PTPN11: variants seen among roughly 807,000 people sequenced by gnomAD.
PTPN11 encodes the protein protein tyrosine phosphatase non-receptor type 11, also known as tyrosine-protein phosphatase non-receptor type 11.
Under a neutral mutation model 78.8 loss-of-function variants are expected in PTPN11, and 6 were observed. The observed-to-expected ratio is 0.08, with a 90% CI of 0.04 to 0.15. PTPN11 has a LOEUF of 0.15. Ranked by LOEUF, PTPN11 falls within the 10% of genes least tolerant of loss-of-function variation. The probability of loss-of-function intolerance (pLI) is 1.00; values close to 1 mark genes in which losing one functional copy is unlikely to be tolerated. For missense variants in PTPN11, 386 were observed against 744.8 expected (o/e 0.52, Z 5.61); for synonymous variants, 221 against 263.5 (o/e 0.84, Z 1.56).
chr12:112,507,883 G>A lies in PTPN11; in HGVS notation c.*2091G>A, dbSNP rs2038953893. ...CTTCAGAACACAGGTGTGGCCTGAA[G>A]GTATTCCCTTATTAGGGAAGTGTCA... On this transcript the variant is annotated 3_prime_UTR_variant, in exon 16 of 16. Coordinates refer to ENST00000351677, the MANE Select transcript of PTPN11 (RefSeq NM_002834.5). The A allele has an allele frequency of 6.6e-6, 1 of 152,536 alleles. No homozygotes were observed. The allele number at this position is 152,536 out of a possible 1,614,324, so 9.4% of individuals were successfully genotyped here. A position where few individuals can be genotyped will look rare whatever the true frequency, so the allele number is the denominator to read the frequency against.
intron 1 of PTPN11, among the ~76,000 whole-genome samples, chr12:112,444,158 A>G (rs2037953806): frequency 6.6e-6 from 1 of 152,130 alleles, no homozygotes. Context: ...TGACTGGCTT[A>G]GTTCACTTAG....
chr12:112,444,285 A>T (rs988752281), intron 1 of PTPN11, among the ~76,000 whole-genome samples: 1 of 152,138 alleles, frequency 6.6e-6, no homozygotes, highest in African/African-American at 2.4e-5. Flanking sequence ...CGTGTTTTCA[A>T]TTACTTTGAG....
At chr12:112,503,030 G>A (rs1337914650) in intron 14 of PTPN11, among the ~76,000 whole-genome samples, 2 of 152,228 alleles carry the variant, frequency 1.3e-5, no homozygotes, top group African/African-American at 2.4e-5. Context: ...GTTTAAACCA[G>A]GAGTCAGCAA....
chr12:112,454,556 C>T lies in PTPN11; in HGVS notation c.526-8C>T, dbSNP rs184804143. On this transcript the variant is annotated splice_polypyrimidine_tract_variant and splice_region_variant and intron_variant, in intron 4 of 15. Transcript: ENST00000351677. ...CAAATAATAAATGTCATGTGTTTAT[C>T]TTGAAAGGAACTGAAATACGACGTT... The T allele has an allele frequency of 6.3e-7, 1 of 1,595,812 alleles. No homozygotes were observed. The highest frequency in any genetic ancestry group is 8.6e-7 in the Non-Finnish European group (1 of 1,164,034).
Position 112,502,240 on chromosome 12 carries a change from A to T in PTPN11, c.1696A>T (p.Thr566Ser), listed in dbSNP as rs746712068. The change falls in exon 14 of 16, where the codon ACG (threonine) becomes TCG (serine). Residue 566 changes from threonine to serine, a missense_variant. Around this residue, in one of 3 missense-constraint regions of PTPN11, gnomAD observed 44 missense variants for 59.3 expected, o/e 0.74. Coordinates refer to ENST00000351677, the MANE Select transcript of PTPN11 (RefSeq NM_002834.5). ...DQSPLPPCTP[T>S]PPCAEMREDS... is the part of the protein sequence containing the mutation. ...GAGCCCTCTCCCGCCTTGTACTCCAACGCCACCCTGTGCAGAGTAAGTAGT... is the reference window on the plus strand; with the variant it reads ...GAGCCCTCTCCCGCCTTGTACTCCATCGCCACCCTGTGCAGAGTAAGTAGT... The T allele has an allele frequency of 1.1e-5, 17 of 1,612,856 alleles. No homozygotes were observed. Among genetic ancestry groups the T allele is most frequent in the Admixed American group, 3.3e-5 (2 of 59,982 alleles).
chr12:112,478,305 G>A (rs901343636), intron 9 of PTPN11, among the ~76,000 whole-genome samples: 17 of 151,848 alleles, frequency 1.1e-4, no homozygotes, highest in African/African-American at 4.1e-4. Flanking sequence ...GGGCATGGTG[G>A]CTCATGCCTG....
intron 1 of PTPN11, among the ~76,000 whole-genome samples, chr12:112,435,978 A>G (rs2037782863): frequency 6.6e-6 from 1 of 152,182 alleles, no homozygotes; most frequent in Non-Finnish European, 1.5e-5. Flanking sequence ...TGAGTCCAGG[A>G]GTTTGAGACC....
chr12:112,455,328 C>T (rs562766386), intron 5 of PTPN11, among the ~76,000 whole-genome samples: 113 of 145,094 alleles, frequency 7.8e-4, no homozygotes, highest in South Asian at 4.2e-3. Context: ...CTCTGCGTCC[C>T]GGGTTCAAGA....
chr12:112,428,396 C>CTTTTTTTTTTT (rs11312766), intron 1 of PTPN11, among the ~76,000 whole-genome samples: 2 of 84,478 alleles, frequency 2.4e-5, no homozygotes, highest in Non-Finnish European at 4.8e-5. Context: ...TGTGTGTTGT[C>CTTTTTTTTTTT]TTTTTTTTTT....
chr12:112,492,212 A>G (rs2038755188), intron 13 of PTPN11, among the ~76,000 whole-genome samples: 1 of 152,188 alleles, frequency 6.6e-6, no homozygotes, highest in African/African-American at 2.4e-5. Flanking sequence ...TAGTCTTCTT[A>G]GTACATCACA....
In PTPN11 at chr12:112,509,214, C is replaced by T. The variant is rs906654821; in HGVS notation, c.*3422C>T. The T allele has an allele frequency of 5.3e-5, 8 of 152,196 alleles. No individual in the cohort carries two copies. Among genetic ancestry groups the T allele is most frequent in the African/African-American group, 1.7e-4 (7 of 41,450 alleles). The allele number at this position is 152,196 out of a possible 1,614,324, so 9.4% of individuals were successfully genotyped here. A position where few individuals can be genotyped will look rare whatever the true frequency, so the allele number is the denominator to read the frequency against. ...GTTGAAATCTTTTTTCCTTCTTCCTCTTGAAAAGTTCCAAAATATAGTTTA... is the reference window on the plus strand; with the variant it reads ...GTTGAAATCTTTTTTCCTTCTTCCTTTTGAAAAGTTCCAAAATATAGTTTA... On this transcript the variant is annotated 3_prime_UTR_variant, in exon 16 of 16. Transcript: ENST00000351677.
chr12:112,466,203 T>C (rs2038323398), intron 6 of PTPN11, among the ~76,000 whole-genome samples: 1 of 152,198 alleles, frequency 6.6e-6, no homozygotes, highest in African/African-American at 2.4e-5. Flanking sequence ...AGGCCTTTAC[T>C]ATTTAGGTCT....
intron 13 of PTPN11, among the ~76,000 whole-genome samples, chr12:112,496,394 G>A (rs2038814925): frequency 6.6e-6 from 1 of 152,132 alleles, no homozygotes; most frequent in Non-Finnish European, 1.5e-5. Context: ...TTAGATGGGG[G>A]TTTAGAAACC....
chr12:112,498,101 C>T lies in PTPN11; in HGVS notation c.1600-4043C>T, dbSNP rs543470053. Among the ~76,000 whole-genome samples, 18 of 151,832 alleles carry T rather than the reference C, an allele frequency of 1.2e-4. No individual in the cohort carries two copies. The South Asian group carries it at 3.3e-3, about 28-fold the overall frequency. ...CCGGGAGGCAGAGATTGCAGTGAGC[C>T]GAGATTGTGCCACTGCATTCCAGCC... On this transcript the variant is annotated intron_variant, in intron 13 of 15. Transcript: ENST00000351677.
At chr12:112,424,441 C>A (rs562716321) in intron 1 of PTPN11, among the ~76,000 whole-genome samples, 1 of 152,158 alleles carries the variant, frequency 6.6e-6, no homozygotes, top group South Asian at 2.1e-4. Flanking sequence ...ATGAGCTGAT[C>A]TATTTAAAAA....
chr12:112,476,151 G>A (rs1362830059), intron 7 of PTPN11, among the ~76,000 whole-genome samples: 1 of 152,094 alleles, frequency 6.6e-6, no homozygotes, highest in Non-Finnish European at 1.5e-5. Flanking sequence ...TCAGGGGTCA[G>A]GTGGTATTAA....
At chr12:112,427,975 T>C (rs1194623163) in intron 1 of PTPN11, among the ~76,000 whole-genome samples, 1 of 152,168 alleles carries the variant, frequency 6.6e-6, no homozygotes, top group Non-Finnish European at 1.5e-5. Context: ...GGACTTGCAC[T>C]TCTGGCTTCA....
chr12:112,449,918 A>G lies in PTPN11; in HGVS notation c.138-400A>G, dbSNP rs140944701. On this transcript the variant is annotated intron_variant, in intron 2 of 15. Coordinates refer to ENST00000351677, the MANE Select transcript of PTPN11 (RefSeq NM_002834.5). ...TCATCTCTACTAAAAATACAAAAGT[A>G]GCTGAGCGTGGTGGCGCATTCCTGT... Among the ~76,000 whole-genome samples the G allele has an allele frequency of 1.4e-3, 217 of 152,176 alleles. 1 individual carries two copies. Among genetic ancestry groups the G allele is most frequent in the African/African-American group, 4.9e-3 (202 of 41,536 alleles).
In PTPN11 at chr12:112,456,275, A is replaced by G. The variant is rs530289446; in HGVS notation, c.756+212A>G. On this transcript the variant is annotated intron_variant, in intron 6 of 15. Coordinates refer to ENST00000351677, the MANE Select transcript of PTPN11 (RefSeq NM_002834.5). ...TGAGGGAAGGGAGTTGGCAGTGAGT[A>G]GTCAATGGATGTGCTAGCCGCTCCA... 3.9e-5 allele frequency among the ~76,000 whole-genome samples: 6 copies of G among 152,278 alleles called. No individual in the cohort carries two copies. In the South Asian group the frequency reaches 1.2e-3, roughly 32 times the overall value.
Sources: allele counts gnomAD v4.1 joint callset (sites outside exome capture counted in the v4.1 genomes callset), GRCh38; gene constraint gnomAD v4.1.1; regional missense constraint gnomAD v4.1.1; transcripts MANE v1.5; gene names NCBI Gene and HGNC (gene_info 2026-07-23, HGNC 2026-07-21).